HS1BP3: variants seen among roughly 807,000 people sequenced by gnomAD.
HS1BP3 encodes HCLS1 binding protein 3.
A neutral mutation model predicts 33.5 loss-of-function variants in HS1BP3; 32 were observed. That is an observed-to-expected ratio of 0.95 (90% CI 0.72 to 1.28). The LOEUF is 1.28. Ranked by LOEUF, HS1BP3 falls within the 50% of genes most tolerant of loss-of-function variation. The pLI is 0.00. For synonymous variants in HS1BP3, 187 were observed against 209.2 expected, an observed-to-expected ratio of 0.89 and a Z score of 0.92; for missense variants, 486 against 502.3, an observed-to-expected ratio of 0.97 and a Z score of 0.31.
chr2:20,646,049 G>A (rs1261563068), intron 1 of HS1BP3, among the ~76,000 whole-genome samples: 1 of 152,230 alleles, frequency 6.6e-6, no homozygotes, highest in Admixed American at 6.5e-5. Flanking sequence ...CTGGGCAGTC[G>A]ATGCTGCCCC....
At position 20,624,047 on chromosome 2, in the gene HS1BP3, A is replaced by C. The variant is rs761703962; in HGVS notation, c.785-16T>G. On this transcript the variant is annotated splice_polypyrimidine_tract_variant and intron_variant, in intron 5 of 6. Coordinates refer to ENST00000304031, the MANE Select transcript of HS1BP3 (RefSeq NM_022460.4). ...AGCTTCAGGGCTGTGGGAAGGCAGC[A>C]GCAGGGGGGTCAGAGGAAGCCTCTA... The C allele has an allele frequency of 1.1e-5, 17 of 1,610,362 alleles. No homozygotes were observed. In the South Asian group the frequency reaches 1.9e-4, roughly 18 times the overall value.
intron 6 of HS1BP3, 88 bp downstream of exon 6, chr2:20,623,808 G>A: frequency 4.2e-6 from 6 of 1,424,740 alleles, no homozygotes; most frequent in Non-Finnish European, 5.6e-6. Context: ...AGAGGAGGCT[G>A]GGGCTGAGAC....
At chr2:20,570,286 T>A (rs1215365120) in intron 5 of HS1BP3, among the ~76,000 whole-genome samples, 1 of 152,230 alleles carries the variant, frequency 6.6e-6, no homozygotes, top group Non-Finnish European at 1.5e-5. Context: ...TTTCCAACTT[T>A]ATAGAATGCT....
At chr2:20,635,219 A>AAGTTCCTC (rs923481859) in intron 4 of HS1BP3, 11 of 152,226 alleles carry the variant, frequency 7.2e-5, no homozygotes, top group African/African-American at 2.4e-4. Context: ...GTATATGTAG[A>AAGTTCCTC]AGTTCCTCAG....
intron 2 of HS1BP3, among the ~76,000 whole-genome samples, chr2:20,600,534 C>T (rs531479582): frequency 1.3e-5 from 2 of 152,294 alleles, no homozygotes; most frequent in Admixed American, 6.5e-5. Context: ...TCTGAAATAA[C>T]GCAAATGTTC....
At chr2:20,581,715 C>G (rs13418218) in intron 5 of HS1BP3, among the ~76,000 whole-genome samples, 4,611 of 152,330 alleles carry the variant, frequency 0.03, 221 homozygotes, top group African/African-American at 0.11. Flanking sequence ...CCTGGATCCT[C>G]TGCTCAGGGT....
intron 4 of HS1BP3, among the ~76,000 whole-genome samples, chr2:20,628,349 G>A (rs977650865): frequency 7.9e-5 from 12 of 152,132 alleles, no homozygotes; most frequent in African/African-American, 2.2e-4. Context: ...CAGCACTTTC[G>A]GAGGCTGAGG....
At chr2:20,641,539 C>A (rs1051473222) in intron 2 of HS1BP3, among the ~76,000 whole-genome samples, 1 of 152,204 alleles carries the variant, frequency 6.6e-6, no homozygotes, top group African/African-American at 2.4e-5. Context: ...GTGATCTCAC[C>A]GGCTGGCAGG....
At chr2:20,616,700 C>T (rs530638917), downstream of HS1BP3, among the ~76,000 whole-genome samples, 2 of 152,270 alleles carry the variant, frequency 1.3e-5, no homozygotes, top group African/African-American at 4.8e-5. Context: ...TAAGCAGCAG[C>T]CTGGGTGACT....
downstream of HS1BP3, chr2:20,592,343 G>A (rs557265663): frequency 2.3e-4 from 13 of 57,290 alleles, 1 homozygote; most frequent in Middle Eastern, 0.042. Context: ...GCCCCGCCCC[G>A]CCCATTCCTA....
rs3796064 is a variant in HS1BP3 at position 20,638,558 on chromosome 2, G to A, written c.501C>T (p.Phe167=). The change falls in exon 4 of 7, where the codon TTC becomes TTT. Residue 167 remains phenylalanine (F), a synonymous_variant. Transcript: ENST00000304031. ...DSQTGNDEEA[F]DFFEEQDQVA... ...CTTGGTCTTGCTCCTCAAAAAAGTC[G>A]AAAGCCTCTTCATCATTCCCTGTCT... 0.28 allele frequency: 454,609 copies of A among 1,613,918 alleles called. 67,968 individuals carry two copies. Among genetic ancestry groups the A allele is most frequent in the East Asian group, 0.56 (25,037 of 44,854 alleles).
chr2:20,571,414 G>A (rs966798098), intron 5 of HS1BP3, among the ~76,000 whole-genome samples: 1 of 152,200 alleles, frequency 6.6e-6, no homozygotes, highest in African/African-American at 2.4e-5. Context: ...CTGTGAGGCA[G>A]CCCGGGCCTG....
intron 4 of HS1BP3, among the ~76,000 whole-genome samples, chr2:20,628,220 T>G (rs1309036043): frequency 6.6e-6 from 1 of 152,048 alleles, no homozygotes; most frequent in Admixed American, 6.6e-5. Flanking sequence ...GAACCTGTGC[T>G]GGGGACGAGG....
intron 5 of HS1BP3, among the ~76,000 whole-genome samples, chr2:20,579,805 T>C (rs1030450575): frequency 6.6e-6 from 1 of 152,260 alleles, no homozygotes; most frequent in Non-Finnish European, 1.5e-5. Flanking sequence ...CTGATTCTTC[T>C]GTCTTCATTT....
chr2:20,625,260 C>A (rs534930760), intron 4 of HS1BP3, among the ~76,000 whole-genome samples: 51 of 152,378 alleles, frequency 3.3e-4, no homozygotes, highest in African/African-American at 1.2e-3. Flanking sequence ...TGACCACTGT[C>A]AGGAGGAGCA....
intron 5 of HS1BP3, among the ~76,000 whole-genome samples, chr2:20,572,225 C>T (rs994361861): frequency 6.6e-6 from 1 of 152,212 alleles, no homozygotes; most frequent in Non-Finnish European, 1.5e-5. Flanking sequence ...TGTAGTTCTG[C>T]TCAGGCTCTT....
rs145150095 is a variant in HS1BP3, at chr2:20,625,654, C to T, written c.624-762G>A. 4.5e-3 allele frequency among the ~76,000 whole-genome samples: 688 copies of T among 152,324 alleles called. 2 individuals are homozygous for T. Among genetic ancestry groups the T allele is most frequent in the African/African-American group, 0.015 (622 of 41,564 alleles). ...TGGGACTTGCCCACCTCCCCGGCTC[C>T]GACTCTGCCACCCCAGGTCCCATTA... On this transcript the variant is annotated intron_variant, in intron 4 of 6. Transcript: ENST00000304031.
At chr2:20,600,342 A>G (rs1009315436) in intron 2 of HS1BP3, among the ~76,000 whole-genome samples, 1 of 152,156 alleles carries the variant, frequency 6.6e-6, no homozygotes, top group African/African-American at 2.4e-5. Flanking sequence ...TCAGACAAAG[A>G]GGGATTAATA....
intron 2 of HS1BP3, among the ~76,000 whole-genome samples, chr2:20,644,443 C>T (rs1414597766): frequency 6.6e-6 from 1 of 152,236 alleles, no homozygotes; most frequent in Non-Finnish European, 1.5e-5. Context: ...CCCAAGCCTA[C>T]ATCTCAGGCC....
Sources: allele counts gnomAD v4.1 joint callset (sites outside exome capture counted in the v4.1 genomes callset), GRCh38; gene constraint gnomAD v4.1.1; transcripts MANE v1.5; gene names NCBI Gene and HGNC (gene_info 2026-07-23, HGNC 2026-07-21).